Variants in C6orf118 observed in about 807,000 individuals in gnomAD.
C6orf118 encodes the protein uncharacterized protein C6orf118.
A neutral mutation model predicts 50.2 loss-of-function variants in C6orf118; 50 were observed. That is an observed-to-expected ratio of 1.00 (90% CI 0.79 to 1.26). The LOEUF is 1.26. Among genes scored for constraint, C6orf118 ranks in the 50% most tolerant of loss-of-function variants. The probability of loss-of-function intolerance (pLI) is 0.00; values close to 1 mark genes in which losing one functional copy is unlikely to be tolerated. For synonymous variants in C6orf118, 239 were observed against 230.9 expected, an observed-to-expected ratio of 1.03 and a Z score of -0.32; for missense variants, 641 against 578.7, an observed-to-expected ratio of 1.11 and a Z score of -1.10.
At chr6:165,300,215 T>C in intron 3 of C6orf118, 149 bp downstream of exon 3, 1 of 825,826 alleles carries the variant, frequency 1.2e-6, no homozygotes, top group Non-Finnish European at 1.8e-6. Context: ...TGCAGGCAGA[T>C]GACCTCGAGT....
At chr6:165,306,571 A>C (rs1270834001) in intron 1 of C6orf118, among the ~76,000 whole-genome samples, 2 of 148,208 alleles carry the variant, frequency 1.3e-5, no homozygotes, top group Admixed American at 1.3e-4. Flanking sequence ...AGAAATGATT[A>C]ACAGAACAAA....
At position 165,306,535 on chromosome 6, in the gene C6orf118, C is replaced by CA. The variant is rs60755206; in HGVS notation, c.25+3026dup. Among the ~76,000 whole-genome samples, 329 of 39,702 alleles carry CA rather than the reference C, an allele frequency of 8.3e-3. 16 individuals carry two copies. The highest frequency in any genetic ancestry group is 0.012 in the Non-Finnish European group (248 of 20,070). The allele number at this position is 39,702 out of a possible 152,430, so 26.0% of individuals were successfully genotyped here. A position where few individuals can be genotyped will look rare whatever the true frequency, so the allele number is the denominator to read the frequency against. On this transcript the variant is annotated intron_variant, in intron 1 of 8. Coordinates refer to ENST00000230301, the MANE Select transcript of C6orf118 (RefSeq NM_144980.4). ...TAGAAATGGAATTTCTAGGTGAATG[C>CA]AAAAAAAAAAAAAAAAAAAAAAAAA...
intron 7 of C6orf118, among the ~76,000 whole-genome samples, chr6:165,285,990 G>T: frequency 6.6e-6 from 1 of 150,958 alleles, no homozygotes; most frequent in African/African-American, 2.4e-5. Context: ...CTAGGAGATG[G>T]TTTTTTTGAA....
intron 5 of C6orf118, among the ~76,000 whole-genome samples, 172 bp from the exon 6 acceptor site, chr6:165,293,643 A>G (rs1780185090): frequency 6.8e-6 from 1 of 147,490 alleles, no homozygotes; most frequent in Non-Finnish European, 1.5e-5. Flanking sequence ...TAAATCAGTC[A>G]AGTTAAACAA....
In C6orf118 at chr6:165,280,120, C is replaced by T; in HGVS notation, c.1357-10G>A. The T allele has an allele frequency of 6.3e-7, 1 of 1,576,002 alleles. No homozygotes were observed. The highest frequency in any genetic ancestry group is 8.7e-7 in the Non-Finnish European group (1 of 1,153,118). On this transcript the variant is annotated splice_polypyrimidine_tract_variant and intron_variant, in intron 8 of 8. Coordinates refer to ENST00000230301, the MANE Select transcript of C6orf118 (RefSeq NM_144980.4). ...AAATTTCCAAAGGCCCCTTAAAATA[C>T]ATAAGAAATGAATACCATAGGTTAG...
intron 1 of C6orf118, among the ~76,000 whole-genome samples, chr6:165,307,463 C>A (rs939756312): frequency 7.3e-5 from 11 of 151,708 alleles, no homozygotes; most frequent in African/African-American, 2.4e-4. Flanking sequence ...GAGGCGGAGG[C>A]ACCAAAATTG....
rs139669071 is a variant in C6orf118, at chr6:165,300,432, A to G, written c.808T>C (p.Phe270Leu). 3.9e-5 allele frequency: 63 copies of G among 1,614,014 alleles called. No individual in the cohort carries two copies. In the East Asian group the frequency reaches 1.4e-3, roughly 36 times the overall value. ...CAAATATCTTCAAAGACTTTTCCAAAGACGTGCAGTCTGTTGAACTGCTGG... is the reference window on the plus strand; with the variant it reads ...CAAATATCTTCAAAGACTTTTCCAAGGACGTGCAGTCTGTTGAACTGCTGG... ...SPQQFNRLHV[F>L]GKVFEDICNS... Residue 270 changes from phenylalanine to leucine, a missense_variant, in exon 3 of 9, where the codon TTT becomes CTT. Transcript: ENST00000230301.
chr6:165,288,894 G>A (rs938726147), intron 7 of C6orf118, among the ~76,000 whole-genome samples: 1 of 151,900 alleles, frequency 6.6e-6, no homozygotes, highest in African/African-American at 2.4e-5. Flanking sequence ...ACATTTACCT[G>A]TGTAACAAAC....
chr6:165,293,844 G>A (rs1159187284), intron 5 of C6orf118, among the ~76,000 whole-genome samples: 1 of 152,140 alleles, frequency 6.6e-6, no homozygotes, highest in East Asian at 1.9e-4. Context: ...AACATGTTAA[G>A]GGCTATGGAA....
intron 6 of C6orf118, among the ~76,000 whole-genome samples, chr6:165,291,238 G>A (rs1780095277): frequency 6.6e-6 from 1 of 152,080 alleles, no homozygotes; most frequent in African/African-American, 2.4e-5. Flanking sequence ...AAACGATTTA[G>A]GAAATAGAAA....
chr6:165,293,012 T>G (rs1780158167), intron 6 of C6orf118, among the ~76,000 whole-genome samples: 1 of 152,222 alleles, frequency 6.6e-6, no homozygotes, highest in Non-Finnish European at 1.5e-5. Context: ...TCATTTAAAG[T>G]TGGAAAACAG....
At chr6:165,298,836 T>C (rs959573966) in intron 4 of C6orf118, among the ~76,000 whole-genome samples, 7 of 152,238 alleles carry the variant, frequency 4.6e-5, no homozygotes, top group Admixed American at 3.9e-4. Flanking sequence ...CTTTTGCTCA[T>C]GTATAAAAGA....
intron 1 of C6orf118, among the ~76,000 whole-genome samples, chr6:165,302,641 C>A (rs1488239187): frequency 2.0e-5 from 3 of 152,178 alleles, no homozygotes; most frequent in Non-Finnish European, 4.4e-5. Context: ...AATTATAATT[C>A]TTAATGATGA....
At position 165,301,693 on chromosome 6, in the gene C6orf118, G is replaced by A; in HGVS notation, c.629C>T (p.Thr210Ile). The A allele has an allele frequency of 6.2e-7, 1 of 1,614,172 alleles. No homozygotes were observed. The change falls in exon 2 of 9, where the codon ACC (threonine) becomes ATC (isoleucine). Residue 210 changes from threonine (T) to isoleucine (I), a missense_variant. Thr to Ile is a moderately conservative substitution (Grantham distance 89). Coordinates refer to ENST00000230301, the MANE Select transcript of C6orf118 (RefSeq NM_144980.4). ...HYVSSYLAGATSADRYRMFLR... is the reference protein window; with the variant it reads ...HYVSSYLAGAISADRYRMFLR... ...GAACATCCTGTACCTGTCTGCGCTG[G>A]TGGCTCCGGCCAGGTAGGAGCTGAC...
At chr6:165,294,048 C>T (rs546217984) in intron 5 of C6orf118, among the ~76,000 whole-genome samples, 1 of 151,876 alleles carries the variant, frequency 6.6e-6, no homozygotes, top group East Asian at 1.9e-4. Context: ...AAATGGAGAC[C>T]ATCCTGGCTA....
chr6:165,295,062 G>A (rs951240789), intron 5 of C6orf118, among the ~76,000 whole-genome samples: 5 of 151,838 alleles, frequency 3.3e-5, no homozygotes, highest in African/African-American at 4.8e-5. Context: ...TTAATTATAC[G>A]TGAATTGGAC....
intron 1 of C6orf118, among the ~76,000 whole-genome samples, chr6:165,303,520 A>G (rs1301847870): frequency 2.8e-5 from 4 of 142,564 alleles, no homozygotes; most frequent in East Asian, 2.0e-4. Context: ...CAAAAAATCA[A>G]TGAATCCAGG....
chr6:165,301,527 G>C, intron 2 of C6orf118, 42 bp downstream of exon 2: 1 of 1,570,602 alleles, frequency 6.4e-7, no homozygotes, highest in Non-Finnish European at 8.6e-7. Context: ...GCTATGCCCT[G>C]AGAGCTCTTC....
Position 165,307,679 on chromosome 6 carries a change from C to T in C6orf118, c.25+1883G>A, listed in dbSNP as rs1780793931. Among the ~76,000 whole-genome samples the T allele has an allele frequency of 2.6e-5, 4 of 152,276 alleles. No individual in the cohort carries two copies. The South Asian group carries it at 8.3e-4, about 32-fold the overall frequency. ...ATTCATATTCCCTCTGCGTTTCTGCCCTCTGCCTTCTCTGCTCCTACCCTA... is the reference window on the plus strand; with the variant it reads ...ATTCATATTCCCTCTGCGTTTCTGCTCTCTGCCTTCTCTGCTCCTACCCTA... On this transcript the variant is annotated intron_variant, in intron 1 of 8. Transcript: ENST00000230301.
Sources: allele counts gnomAD v4.1 joint callset (sites outside exome capture counted in the v4.1 genomes callset), GRCh38; gene constraint gnomAD v4.1.1; transcripts MANE v1.5; gene names NCBI Gene and HGNC (gene_info 2026-07-23, HGNC 2026-07-21).